The following PCDHA13 variants were observed in gnomAD, a reference collection of about 807,000 sequenced individuals.
PCDHA13 encodes protocadherin alpha-13.
PCDHA13 carries 54 observed loss-of-function variants against 64.8 expected under a neutral mutation model. That is an observed-to-expected ratio of 0.83 (90% CI 0.67 to 1.04). The LOEUF is 1.04. PCDHA13 is among the 50% of genes least tolerant of loss of function. The probability of loss-of-function intolerance (pLI) is 0.00; values close to 1 mark genes in which losing one functional copy is unlikely to be tolerated. For synonymous variants in PCDHA13, 587 were observed against 564.4 expected (o/e 1.04, Z -0.57); for missense variants, 1,248 against 1,254.3 (o/e 0.99, Z 0.08).
chr5:140,925,402 T>C (rs1379767028), intron 1 of PCDHA13, among the ~76,000 whole-genome samples: 1 of 152,110 alleles, frequency 6.6e-6, no homozygotes, highest in Non-Finnish European at 1.5e-5. Context: ...CTCGCCTCCT[T>C]CTTAGGGAAA....
intron 1 of PCDHA13, among the ~76,000 whole-genome samples, chr5:140,932,861 G>A (rs1554209099): frequency 6.6e-6 from 1 of 151,858 alleles, no homozygotes; most frequent in Non-Finnish European, 1.5e-5. Flanking sequence ...ATGACTTATT[G>A]TCTTTTGTTG....
At chr5:140,959,038 A>G (rs1389837259) in intron 1 of PCDHA13, among the ~76,000 whole-genome samples, 2 of 151,994 alleles carry the variant, frequency 1.3e-5, no homozygotes, top group African/African-American at 4.8e-5. Flanking sequence ...ATGGGTATGT[A>G]TGTATAGGAA....
chr5:140,968,994 G>T (rs1182509201), intron 1 of PCDHA13: 2 of 1,614,098 alleles, frequency 1.2e-6, no homozygotes, highest in Non-Finnish European at 1.7e-6. Context: ...GCATGCTGTG[G>T]AGGCTTCTGT....
At chr5:140,989,317 C>G (rs184467267) in intron 3 of PCDHA13, among the ~76,000 whole-genome samples, 2 of 152,126 alleles carry the variant, frequency 1.3e-5, no homozygotes, top group Non-Finnish European at 2.9e-5. Context: ...TAGGGTCTCA[C>G]CAACTTTGCC....
rs1458420006 is a variant in PCDHA13 at position 140,928,100 on chromosome 5, T to A, written c.2394+43438T>A. On this transcript the variant is annotated intron_variant, in intron 1 of 3. Transcript: ENST00000289272. Reference sequence around the variant, plus strand: ...TACAGCCTGCTGATTGATGGGCCCCTGGACCGGGAGCAGATCAGTGAATAC... The same window carrying A: ...TACAGCCTGCTGATTGATGGGCCCCAGGACCGGGAGCAGATCAGTGAATAC... 2.3e-5 allele frequency: 37 copies of A among 1,614,090 alleles called. No individual in the cohort carries two copies. Among genetic ancestry groups the A allele is most frequent in the Non-Finnish European group, 2.9e-5 (34 of 1,180,048 alleles).
chr5:140,958,810 G>C (rs2095443726), intron 1 of PCDHA13, among the ~76,000 whole-genome samples: 1 of 151,988 alleles, frequency 6.6e-6, no homozygotes, highest in African/African-American at 2.4e-5. Flanking sequence ...ACACCATTCT[G>C]TTTTAATTTT....
At chr5:140,968,598 A>G in intron 1 of PCDHA13, 2 of 1,614,102 alleles carry the variant, frequency 1.2e-6, no homozygotes, top group Non-Finnish European at 1.7e-6. Flanking sequence ...ATAGCTATGG[A>G]CTCAGACTCT....
At chr5:140,982,589 T>C in intron 3 of PCDHA13, 26 bp downstream of exon 3, 1 of 1,610,940 alleles carries the variant, frequency 6.2e-7, no homozygotes, top group Non-Finnish European at 8.5e-7. Context: ...CTCTCCATTC[T>C]TTCTTGGTTT....
In PCDHA13 at chr5:141,011,088, T is replaced by TTCTC. The variant is rs375099849; in HGVS notation, c.*1165_*1168dup. 6.6e-6 allele frequency: 1 copy of TTCTC among 152,032 alleles called. No homozygotes were observed. Among genetic ancestry groups the TTCTC allele is most frequent in the Non-Finnish European group, 1.5e-5 (1 of 67,462 alleles). 9.4% of individuals were successfully genotyped at this position (152,032 alleles called of 1,614,324 possible). A position where few individuals can be genotyped will look rare whatever the true frequency, so the allele number is the denominator to read the frequency against. On this transcript the variant is annotated 3_prime_UTR_variant, in exon 4 of 4. Transcript: ENST00000289272. The stretch of plus-strand genomic sequence containing the variant: ...TATTACTAAATAAAATGATCTCTCT[T>TTCTC]TCTCTCTCTCTCTCTCTTTTCTAAG...
chr5:140,913,055 T>G (rs1554195719), intron 1 of PCDHA13, among the ~76,000 whole-genome samples: 2 of 152,184 alleles, frequency 1.3e-5, no homozygotes, highest in African/African-American at 4.8e-5. Context: ...GAGTTTTATT[T>G]TATTTTGATG....
At chr5:140,952,794 G>T (rs2094798904) in intron 1 of PCDHA13, among the ~76,000 whole-genome samples, 1 of 152,140 alleles carries the variant, frequency 6.6e-6, no homozygotes, top group Admixed American at 6.5e-5. Context: ...GGTTTAACTG[G>T]CTCGCAGTTC....
In PCDHA13 at chr5:140,887,388, G is replaced by A. The variant is rs138166374; in HGVS notation, c.2394+2726G>A. ...TGGGATTACAGGTGTGAGCCACCGC[G>A]CCCGGCTCTTTATCTCATTTTTATT... is the stretch of plus-strand genomic sequence containing the variant. On this transcript the variant is annotated intron_variant, in intron 1 of 3. Transcript: ENST00000289272. 5.8e-3 allele frequency among the ~76,000 whole-genome samples: 888 copies of A among 152,192 alleles called. 10 individuals carry two copies. The highest frequency in any genetic ancestry group is 0.019 in the African/African-American group (805 of 41,536).
intron 1 of PCDHA13, among the ~76,000 whole-genome samples, chr5:140,898,811 C>T (rs1277456601): frequency 6.6e-6 from 1 of 152,190 alleles, no homozygotes; most frequent in Non-Finnish European, 1.5e-5. Context: ...ACTGATTCTT[C>T]CTACCCATGA....
chr5:140,900,233 G>GT (rs1261263702), intron 1 of PCDHA13, among the ~76,000 whole-genome samples: 7 of 151,834 alleles, frequency 4.6e-5, no homozygotes, highest in Non-Finnish European at 7.4e-5. Flanking sequence ...ACTGGATCTT[G>GT]TTTTTTTTAT....
chr5:140,968,080 G>A (rs782815703), intron 1 of PCDHA13: 14 of 1,614,102 alleles, frequency 8.7e-6, no homozygotes, highest in Middle Eastern at 1.7e-4. Context: ...ACAACATCAC[G>A]GTGACAGCCA....
At chr5:140,942,860 G>T (rs1262172468) in intron 1 of PCDHA13, among the ~76,000 whole-genome samples, 15 of 151,964 alleles carry the variant, frequency 9.9e-5, no homozygotes, top group Admixed American at 9.8e-4. Context: ...TGATTATTTT[G>T]CTTTAGCATG....
intron 3 of PCDHA13, among the ~76,000 whole-genome samples, chr5:140,992,231 G>C (rs1234271245): frequency 1.3e-5 from 2 of 152,176 alleles, no homozygotes; most frequent in African/African-American, 4.8e-5. Context: ...CCTGGGAAGA[G>C]TAAGGAAGGA....
rs1554262529 is a variant in PCDHA13 at position 141,009,890 on chromosome 5, G to A, written c.2806G>A (p.Glu936Lys). 8.1e-6 allele frequency: 13 copies of A among 1,612,626 alleles called. No homozygotes were observed. Among genetic ancestry groups the A allele is most frequent in the Non-Finnish European group, 1.1e-5 (13 of 1,179,746 alleles). ...AAAGAAGAAGGGTAACAAGACCCAG[G>A]AGAAAAAAGAGAAAGGGAACAGCAC... Reference protein sequence around the residue: ...KKKKKGNKTQEKKEKGNSTTD... With the variant: ...KKKKKGNKTQKKKEKGNSTTD... The change falls in exon 4 of 4, where the codon GAG becomes AAG. Residue 936 changes from glutamate to lysine, a missense_variant. Glu to Lys is a moderately conservative substitution (Grantham distance 56). Coordinates refer to ENST00000289272, the MANE Select transcript of PCDHA13 (RefSeq NM_018904.3).
intron 1 of PCDHA13, among the ~76,000 whole-genome samples, chr5:140,956,457 G>T (rs1197742299): frequency 2.0e-5 from 3 of 152,184 alleles, no homozygotes; most frequent in African/African-American, 7.2e-5. Flanking sequence ...TACATTTATT[G>T]ATTTGCATAT....
Sources: allele counts gnomAD v4.1 joint callset (sites outside exome capture counted in the v4.1 genomes callset), GRCh38; gene constraint gnomAD v4.1.1; transcripts MANE v1.5; gene names NCBI Gene and HGNC (gene_info 2026-07-23, HGNC 2026-07-21).